The following LMO3 variants were observed in gnomAD, a reference collection of about 807,000 sequenced individuals.
LMO3 encodes LIM domain only protein 3.
A neutral mutation model predicts 15.8 loss-of-function variants in LMO3; 2 were observed. The ratio of observed to expected loss-of-function variants is 0.13; its 90% CI spans 0.05 to 0.40. The LOEUF (loss-of-function observed/expected upper bound fraction) is 0.40. LMO3 is among the 10% of genes least tolerant of loss of function. LMO3 has a pLI of 0.99. For synonymous variants in LMO3, 62 were observed against 63.8 expected, an observed-to-expected ratio of 0.97 and a Z score of 0.13; for missense variants, 86 against 182.2, an observed-to-expected ratio of 0.47 and a Z score of 3.04.
chr12:16,554,724 G>A (rs1490375419), intron 3 of LMO3, among the ~76,000 whole-genome samples: 1 of 152,162 alleles, frequency 6.6e-6, no homozygotes, highest in Non-Finnish European at 1.5e-5. Context: ...ACTCCGGAGA[G>A]GGAGACCAGA....
In LMO3 at chr12:16,555,392, TG is replaced by T. The variant is rs1300072897; in HGVS notation, c.333-4066del. Among the ~76,000 whole-genome samples the T allele has an allele frequency of 1.3e-5, 2 of 152,200 alleles. No homozygotes were observed. The highest frequency in any genetic ancestry group is 4.8e-5 in the African/African-American group (2 of 41,454). On this transcript the variant is annotated intron_variant, in intron 3 of 3. Coordinates refer to ENST00000537304, the MANE Select transcript of LMO3 (RefSeq NM_018640.5). The surrounding 1 kb of genome is among the most constrained non-coding windows in gnomAD (Gnocchi z 5.5). ...GGTGTTTCAAAATTTCTCATGAATG[TG>T]TAACTGGTTTGCCATTATAGTCAGC...
Position 16,587,682 on chromosome 12 carries a change from G to A in LMO3, c.206+12973C>T, listed in dbSNP as rs182757252. On this transcript the variant is annotated intron_variant, in intron 2 of 3. Coordinates refer to ENST00000537304, the MANE Select transcript of LMO3 (RefSeq NM_018640.5). The surrounding 1 kb of genome is among the most constrained non-coding windows in gnomAD (Gnocchi z 4.3). ...TGTCAGGAGTGCATTTTAACAGCACGACACAAGTATTTTTCACTACAGGAG... is the reference window on the plus strand; with the variant it reads ...TGTCAGGAGTGCATTTTAACAGCACAACACAAGTATTTTTCACTACAGGAG... Among the ~76,000 whole-genome samples the A allele has an allele frequency of 6.6e-6, 1 of 151,818 alleles. No homozygotes were observed. Among genetic ancestry groups the A allele is most frequent in the Admixed American group, 6.6e-5 (1 of 15,224 alleles).
chr12:16,597,500 T>C lies in LMO3; in HGVS notation c.206+3155A>G, dbSNP rs1943695268. ...GCTCATAATTAGGAGTGTTTCTTTCTTTCTGTTTATGGAGGGAGAAGTGTA... is the reference window on the plus strand; with the variant it reads ...GCTCATAATTAGGAGTGTTTCTTTCCTTCTGTTTATGGAGGGAGAAGTGTA... On this transcript the variant is annotated intron_variant, in intron 2 of 3. Coordinates refer to ENST00000537304, the MANE Select transcript of LMO3 (RefSeq NM_018640.5). This position sits in a 1 kb window ranked among gnomAD's most constrained non-coding sequence, Gnocchi z 5.0. 6.6e-6 allele frequency: 1 copy of C among 151,856 alleles called. No individual in the cohort carries two copies. The highest frequency in any genetic ancestry group is 6.6e-5 in the Admixed American group (1 of 15,234). The allele number at this position is 151,856 out of a possible 1,614,324, so 9.4% of individuals were successfully genotyped here.
intron 2 of LMO3, among the ~76,000 whole-genome samples, chr12:16,592,777 A>G (rs1277589419): frequency 6.6e-6 from 1 of 151,954 alleles, no homozygotes; most frequent in Non-Finnish European, 1.5e-5. Flanking sequence ...ATGTCAAAAA[A>G]CACTATCCTA....
intron 3 of LMO3, 39 bp from the exon 4 acceptor site, chr12:16,551,366 T>C (rs751849945): frequency 2.6e-5 from 30 of 1,170,860 alleles, no homozygotes; most frequent in Admixed American, 5.1e-5. Context: ...GTTAAGACCA[T>C]TTCACTTGGA....
rs1943489668 is a variant in LMO3, at chr12:16,591,313, G to A, written c.206+9342C>T. ...GAATGTCCTTCCCATACGTGATCAT[G>A]GCTAGCTCCTTCACTTTCATCAGGT... On this transcript the variant is annotated intron_variant, in intron 2 of 3. Transcript: ENST00000537304. This position sits in a 1 kb window ranked among gnomAD's most constrained non-coding sequence, Gnocchi z 4.1. Among the ~76,000 whole-genome samples, 1 of 151,878 alleles carries A rather than the reference G, an allele frequency of 6.6e-6. No homozygotes were observed.
chr12:16,581,991 TTCTTA>T (rs1283366010), intron 2 of LMO3, among the ~76,000 whole-genome samples: 31 of 152,166 alleles, frequency 2.0e-4, no homozygotes, highest in African/African-American at 4.1e-4. Context: ...TTACTTCGTT[TTCTTA>T]TCTTATTACA....
chr12:16,598,920 CTA>C lies in LMO3; in HGVS notation c.206+1733_206+1734del, dbSNP rs1943739167. 3.1e-6 allele frequency: 1 copy of C among 317,988 alleles called. No homozygotes were observed. Among genetic ancestry groups the C allele is most frequent in the Non-Finnish European group, 6.3e-6 (1 of 158,286 alleles). The allele number at this position is 317,988 out of a possible 1,614,324, so 19.7% of individuals were successfully genotyped here. The stretch of plus-strand genomic sequence containing the variant: ...TTAAAACACCTTAACATTGCCCGGG[CTA>C]TATAAACTCCTTATTTGAAATGGTA... On this transcript the variant is annotated intron_variant, in intron 2 of 3. Coordinates refer to ENST00000537304, the MANE Select transcript of LMO3 (RefSeq NM_018640.5). The surrounding 1 kb of genome is among the most constrained non-coding windows in gnomAD (Gnocchi z 4.3).
intron 2 of LMO3, among the ~76,000 whole-genome samples, chr12:16,592,163 T>C (rs1943514487): frequency 6.6e-6 from 1 of 152,056 alleles, no homozygotes; most frequent in Admixed American, 6.6e-5. Flanking sequence ...TCATTATTTA[T>C]AAGAACGAAG....
upstream of LMO3, chr12:16,608,081 A>G (rs1944061167): frequency 6.6e-6 from 1 of 152,142 alleles, no homozygotes; most frequent in Admixed American, 6.6e-5. The surrounding 1 kb of genome is among the most constrained non-coding windows in gnomAD (Gnocchi z 4.1). Context: ...ACAGCTCCCC[A>G]CTGTTCTACC....
chr12:16,601,101 GT>G (rs1943808983), intron 1 of LMO3, among the ~76,000 whole-genome samples: 1 of 152,072 alleles, frequency 6.6e-6, no homozygotes, highest in Non-Finnish European at 1.5e-5. Context: ...ATAAATTCAT[GT>G]TGACCATGGT....
intron 2 of LMO3, among the ~76,000 whole-genome samples, chr12:16,577,827 G>T (rs1943041348): frequency 6.6e-6 from 1 of 152,024 alleles, no homozygotes; most frequent in Non-Finnish European, 1.5e-5. Context: ...AATTTAACAG[G>T]GCCACAGTTC....
intron 2 of LMO3, among the ~76,000 whole-genome samples, chr12:16,590,844 C>A (rs1000321476): frequency 2.0e-5 from 3 of 152,004 alleles, no homozygotes; most frequent in African/African-American, 7.2e-5. Flanking sequence ...GGCAACAGAT[C>A]ATCACGTGAC....
At position 16,604,841 on chromosome 12, in the gene LMO3, A is replaced by G; in HGVS notation, c.-9+1225T>C. On this transcript the variant is annotated intron_variant, in intron 1 of 3. Coordinates refer to ENST00000537304, the MANE Select transcript of LMO3 (RefSeq NM_018640.5). The surrounding 1 kb of genome is among the most constrained non-coding windows in gnomAD (Gnocchi z 5.3). ...GGAGTGCAGAGCGCCAGCAAAGTGC[A>G]TCTATGATAGACTGTAACCTTACCA... The G allele has an allele frequency of 1.9e-6, 3 of 1,598,276 alleles. No homozygotes were observed. Among genetic ancestry groups the G allele is most frequent in the Non-Finnish European group, 2.5e-6 (3 of 1,179,622 alleles).
intron 3 of LMO3, among the ~76,000 whole-genome samples, chr12:16,558,123 G>A (rs1188790371): frequency 6.6e-6 from 1 of 151,986 alleles, no homozygotes; most frequent in Non-Finnish European, 1.5e-5. Context: ...GAGTGAAAAA[G>A]TCCAAATATC....
intron 2 of LMO3, chr12:16,594,180 G>A (rs1342520625): frequency 1.3e-6 from 2 of 1,532,790 alleles, no homozygotes; most frequent in South Asian, 1.2e-5. Flanking sequence ...ATGACAAAAG[G>A]TAATGGCCAT....
At position 16,591,747 on chromosome 12, in the gene LMO3, C is replaced by CA. The variant is rs1273579668; in HGVS notation, c.206+8907dup. ...AACAATACAAATAGCATGAAAGTTA[C>CA]AAGCTAAGTCTGTCTTGCTCTGCAC... On this transcript the variant is annotated intron_variant, in intron 2 of 3. Coordinates refer to ENST00000537304, the MANE Select transcript of LMO3 (RefSeq NM_018640.5). The surrounding 1 kb of genome is among the most constrained non-coding windows in gnomAD (Gnocchi z 4.1). Among the ~76,000 whole-genome samples the CA allele has an allele frequency of 6.6e-6, 1 of 152,048 alleles. No individual in the cohort carries two copies. Among genetic ancestry groups the CA allele is most frequent in the Non-Finnish European group, 1.5e-5 (1 of 67,982 alleles).
intron 2 of LMO3, 75 bp downstream of exon 2, chr12:16,600,580 G>C: frequency 7.6e-7 from 1 of 1,311,912 alleles, no homozygotes. Context: ...AATGAAACAA[G>C]CAAACAAAAA....
At position 16,585,763 on chromosome 12, in the gene LMO3, A is replaced by G. The variant is rs1473440456; in HGVS notation, c.206+14892T>C. Among the ~76,000 whole-genome samples, 3 of 152,234 alleles carry G rather than the reference A, an allele frequency of 2.0e-5. No individual in the cohort carries two copies. Among genetic ancestry groups the G allele is most frequent in the Admixed American group, 6.5e-5 (1 of 15,280 alleles). On this transcript the variant is annotated intron_variant, in intron 2 of 3. Coordinates refer to ENST00000537304, the MANE Select transcript of LMO3 (RefSeq NM_018640.5). This position sits in a 1 kb window ranked among gnomAD's most constrained non-coding sequence, Gnocchi z 4.7. Reference sequence around the variant, plus strand: ...GGTGAGAAATTACAAAAGGCTGGAGAATCAATTAACATATATACTTCTAAA... The same window carrying G: ...GGTGAGAAATTACAAAAGGCTGGAGGATCAATTAACATATATACTTCTAAA...
Sources: allele counts gnomAD v4.1 joint callset (sites outside exome capture counted in the v4.1 genomes callset), GRCh38; gene constraint gnomAD v4.1.1; non-coding constraint Gnocchi (gnomAD v3.1); transcripts MANE v1.5; gene names NCBI Gene and HGNC (gene_info 2026-07-23, HGNC 2026-07-21).